Variants in ERN1 observed in about 807,000 individuals in gnomAD.
ERN1 encodes the protein endoplasmic reticulum to nucleus signaling 1, also known as serine/threonine-protein kinase/endoribonuclease IRE1.
Under a neutral mutation model 113.1 loss-of-function variants are expected in ERN1, and 39 were observed. The ratio of observed to expected loss-of-function variants is 0.34; its 90% CI spans 0.27 to 0.45. The LOEUF is 0.45. ERN1 is among the 20% of genes least tolerant of loss of function. The pLI is 1.00. For synonymous variants in ERN1, 507 were observed against 515.9 expected (o/e 0.98, Z 0.23); for missense variants, 976 against 1,274.8 (o/e 0.77, Z 3.57).
At position 64,052,786 on chromosome 17, in the gene ERN1, C is replaced by T. The variant is rs765646119; in HGVS notation, c.2247G>A (p.Glu749=). 1.5e-5 allele frequency: 25 copies of T among 1,613,254 alleles called. No homozygotes were observed. Among genetic ancestry groups the T allele is most frequent in the East Asian group, 4.5e-5 (2 of 44,856 alleles). Reference sequence around the variant, plus strand: ...GCCATAGCCTATTACTCACAGGGTTCTCCTTACAGTCTTCGCTCAGCATCT... The same window carrying T: ...GCCATAGCCTATTACTCACAGGGTTTTCCTTACAGTCTTCGCTCAGCATCT... ...APEMLSEDCK[E]NPTYTVDIFS... is the part of the protein sequence containing the mutation. Residue 749 remains glutamate (E), a synonymous_variant, in exon 17 of 22, where the codon GAG becomes GAA. Transcript: ENST00000433197.
At chr17:64,098,384 T>C (rs1489869475) in intron 1 of ERN1, 143 bp from the exon 2 acceptor site, 1 of 1,056,012 alleles carries the variant, frequency 9.5e-7, no homozygotes, top group Non-Finnish European at 1.5e-6. Context: ...AGAGCCTAAA[T>C]TCCCACTCAG....
intron 18 of ERN1, among the ~76,000 whole-genome samples, chr17:64,048,813 C>CCA (rs5821415): frequency 0.59 from 89,118 of 151,832 alleles, 30,210 homozygotes; most frequent in South Asian, 0.77. Context: ...GCCTAGGTCA[C>CCA]ACAAGTAGTT....
rs980297287 is a variant in ERN1, at chr17:64,063,643, T to C, written c.1087+343A>G. Among the ~76,000 whole-genome samples the C allele has an allele frequency of 3.3e-5, 5 of 152,118 alleles. No homozygotes were observed. The highest frequency in any genetic ancestry group is 3.3e-4 in the Admixed American group (5 of 15,280). ...GAAACAGTCTCAGTTTTCTTAACTA[T>C]AAAATGGAAATGACAAGGGTACCTA... is the stretch of plus-strand genomic sequence containing the variant. On this transcript the variant is annotated intron_variant, in intron 10 of 21. Transcript: ENST00000433197. The surrounding 1 kb of genome is among the most constrained non-coding windows in gnomAD (Gnocchi z 5.1).
intron 1 of ERN1, among the ~76,000 whole-genome samples, chr17:64,099,570 GT>G (rs1914327088): frequency 2.6e-5 from 4 of 152,090 alleles, no homozygotes; most frequent in African/African-American, 9.6e-5. Flanking sequence ...TACTGCAACA[GT>G]TTGAATTCTG....
chr17:64,060,783 A>G (rs1913030184), intron 10 of ERN1, among the ~76,000 whole-genome samples, 196 bp from the exon 11 acceptor site: 1 of 152,210 alleles, frequency 6.6e-6, no homozygotes, highest in Non-Finnish European at 1.5e-5. Flanking sequence ...TTCATGGCAG[A>G]ATACAGTATT....
intron 1 of ERN1, among the ~76,000 whole-genome samples, chr17:64,112,006 A>T (rs1914685397): frequency 6.6e-6 from 1 of 152,144 alleles, no homozygotes. Flanking sequence ...TAATGTAACA[A>T]CTGGTGCTAG....
rs539977741 is a variant in ERN1, at chr17:64,051,003, C to T, written c.2253+1777G>A. On this transcript the variant is annotated intron_variant, in intron 17 of 21. Transcript: ENST00000433197. ...AGAATAAGGTGCTCAAGTGTGAGTG[C>T]GCTCCCAGCAAATGGATGCAGAAGC... 2.3e-3 allele frequency among the ~76,000 whole-genome samples: 353 copies of T among 152,114 alleles called. 1 individual carries two copies. The highest frequency in any genetic ancestry group is 3.5e-3 in the Non-Finnish European group (236 of 67,992).
chr17:64,089,353 G>A (rs915171435), intron 2 of ERN1, among the ~76,000 whole-genome samples: 6 of 145,976 alleles, frequency 4.1e-5, no homozygotes, highest in Admixed American at 2.1e-4. Flanking sequence ...AAAGAGGAAC[G>A]TGACACAGGG....
chr17:64,105,573 T>C (rs773879319), intron 1 of ERN1, among the ~76,000 whole-genome samples: 2 of 152,186 alleles, frequency 1.3e-5, no homozygotes, highest in African/African-American at 4.8e-5. Context: ...TGGTTTTTTC[T>C]CTGTGTGTGT....
intron 15 of ERN1, chr17:64,053,988 G>A: frequency 2.5e-6 from 1 of 393,400 alleles, no homozygotes; most frequent in South Asian, 3.6e-5. Context: ...TGTCCAGGCT[G>A]GAGTGCAGTG....
intron 1 of ERN1, among the ~76,000 whole-genome samples, chr17:64,108,272 A>G (rs1477075921): frequency 6.6e-6 from 1 of 151,916 alleles, no homozygotes; most frequent in Non-Finnish European, 1.5e-5. Context: ...TAATTTCATA[A>G]TAGGTGAATA....
chr17:64,057,981 C>T lies in ERN1; in HGVS notation c.1219G>A (p.Val407Ile). ...KKSFEEVINLVDQTSENAPTT... is the reference protein window; with the variant it reads ...KKSFEEVINLIDQTSENAPTT... ...GGTGCGTTTTCTGAAGTCTGGTCAA[C>T]CAGGTTGATAACCTTGCATGGGAGA... Residue 407 changes from valine to isoleucine, a missense_variant, in exon 12 of 22, where the codon GTT becomes ATT. This residue lies in a region of ERN1 where 459 missense variants were observed against 581.2 expected (regional missense o/e 0.79). Transcript: ENST00000433197. The T allele has an allele frequency of 6.4e-7, 1 of 1,572,440 alleles. No individual in the cohort carries two copies. Among genetic ancestry groups the T allele is most frequent in the South Asian group, 1.2e-5 (1 of 84,570 alleles).
intron 4 of ERN1, among the ~76,000 whole-genome samples, chr17:64,078,878 C>T (rs1479758731): frequency 6.6e-6 from 1 of 152,134 alleles, no homozygotes; most frequent in Admixed American, 6.5e-5. Flanking sequence ...TGGAGATGTA[C>T]ACCTGTGGTC....
chr17:64,040,722 G>A lies in ERN1; in HGVS notation c.*3266C>T, dbSNP rs1449683561. Reference sequence around the variant, plus strand: ...ACCACCACTGCACTGAGAACACGGCGGGAGTGAGAACACCTGCGCACCCAG... The same window carrying A: ...ACCACCACTGCACTGAGAACACGGCAGGAGTGAGAACACCTGCGCACCCAG... On this transcript the variant is annotated 3_prime_UTR_variant, in exon 22 of 22. Transcript: ENST00000433197. 1.3e-5 allele frequency: 2 copies of A among 152,266 alleles called. No homozygotes were observed. Among genetic ancestry groups the A allele is most frequent in the East Asian group, 3.9e-4 (2 of 5,184 alleles). The allele number at this position is 152,266 out of a possible 1,614,324, so 9.4% of individuals were successfully genotyped here.
chr17:64,064,694 T>C (rs2143369997), intron 9 of ERN1, among the ~76,000 whole-genome samples: 1 of 152,244 alleles, frequency 6.6e-6, no homozygotes, highest in South Asian at 2.1e-4. Context: ...ACAGAATGCT[T>C]GAGGCAGGCT....
chr17:64,064,838 T>C (rs532347448), intron 9 of ERN1, among the ~76,000 whole-genome samples: 1 of 152,114 alleles, frequency 6.6e-6, no homozygotes, highest in South Asian at 2.1e-4. Flanking sequence ...AAGATGAACA[T>C]GGGGCTTGTA....
intron 1 of ERN1, among the ~76,000 whole-genome samples, chr17:64,119,897 G>C (rs1031975097): frequency 3.3e-5 from 5 of 152,016 alleles, no homozygotes; most frequent in Admixed American, 3.3e-4. Context: ...CTGCACATCA[G>C]AGTCACTTGG....
chr17:64,104,484 A>G (rs1233054450), intron 1 of ERN1, among the ~76,000 whole-genome samples: 1 of 152,032 alleles, frequency 6.6e-6, no homozygotes, highest in Non-Finnish European at 1.5e-5. Context: ...TCAATTTCAG[A>G]CATACATTTC....
chr17:64,108,317 G>A (rs113483429), intron 1 of ERN1, among the ~76,000 whole-genome samples: 125 of 152,254 alleles, frequency 8.2e-4, no homozygotes, highest in African/African-American at 2.8e-3. Context: ...GGCCTGGGCT[G>A]AGTGTCTGAG....
Sources: allele counts gnomAD v4.1 joint callset (sites outside exome capture counted in the v4.1 genomes callset), GRCh38; gene constraint gnomAD v4.1.1; regional missense constraint gnomAD v4.1.1; non-coding constraint Gnocchi (gnomAD v3.1); transcripts MANE v1.5; gene names NCBI Gene and HGNC (gene_info 2026-07-23, HGNC 2026-07-21).